The following RUNDC3B variants were observed in gnomAD, a reference collection of about 807,000 sequenced individuals.
RUNDC3B encodes RUN domain containing 3B, also known as RUN domain-containing protein 3B.
In RUNDC3B, 33 loss-of-function variants were observed where a neutral mutation model predicts 58.4. The ratio of observed to expected loss-of-function variants is 0.56; its 90% confidence interval spans 0.43 to 0.75. The LOEUF is 0.75. Ranked by LOEUF, RUNDC3B falls within the 30% of genes least tolerant of loss-of-function variation. The probability of loss-of-function intolerance (pLI) is 0.00; values close to 1 mark genes in which losing one functional copy is unlikely to be tolerated. For missense variants in RUNDC3B, 501 were observed against 535.7 expected, an observed-to-expected ratio of 0.94 and a Z score of 0.64; for synonymous variants, 193 against 195.2, an observed-to-expected ratio of 0.99 and a Z score of 0.10.
chr7:87,814,002 A>G (rs1177996305), intron 9 of RUNDC3B, among the ~76,000 whole-genome samples: 3 of 152,110 alleles, frequency 2.0e-5, no homozygotes, highest in African/African-American at 7.2e-5. Context: ...AAAGATTTTA[A>G]TGAAAATCAA....
chr7:87,634,481 TGGTGGTG>T (rs1419230018), intron 1 of RUNDC3B, among the ~76,000 whole-genome samples: 3 of 3,680 alleles, frequency 8.2e-4, no homozygotes, highest in African/African-American at 2.1e-3. Flanking sequence ...CAGTCAGGCG[TGGTGGTG>T]GGGGGTGGGG....
intron 3 of RUNDC3B, among the ~76,000 whole-genome samples, chr7:87,702,165 A>AAAAC (rs1829133675): frequency 6.7e-6 from 1 of 149,804 alleles, no homozygotes; most frequent in African/African-American, 2.5e-5. Context: ...AAAAAAAAAA[A>AAAAC]AAAAAAACAG....
intron 8 of RUNDC3B, among the ~76,000 whole-genome samples, chr7:87,799,961 T>C (rs1423859796): frequency 6.6e-6 from 1 of 152,008 alleles, no homozygotes; most frequent in Non-Finnish European, 1.5e-5. Flanking sequence ...CAATTTGCTA[T>C]ATTGCTGATG....
At chr7:87,631,971 GTAA>G (rs1482090865) in intron 1 of RUNDC3B, among the ~76,000 whole-genome samples, 2 of 152,092 alleles carry the variant, frequency 1.3e-5, no homozygotes, top group African/African-American at 4.8e-5. Flanking sequence ...TATGAGCAGG[GTAA>G]TAATGATAAG....
intron 6 of RUNDC3B, among the ~76,000 whole-genome samples, chr7:87,758,501 T>C (rs1402501208): frequency 6.6e-6 from 1 of 152,282 alleles, no homozygotes. Context: ...GAAAAGCTTC[T>C]GCACAGCAAA....
intron 1 of RUNDC3B, among the ~76,000 whole-genome samples, chr7:87,642,569 A>G (rs1430852697): frequency 6.6e-6 from 1 of 152,016 alleles, no homozygotes; most frequent in Non-Finnish European, 1.5e-5. Context: ...TCTTGGTTTG[A>G]TGGCTTACTA....
intron 8 of RUNDC3B, among the ~76,000 whole-genome samples, chr7:87,790,864 ATCT>A (rs1835488186): frequency 6.6e-6 from 1 of 152,156 alleles, no homozygotes; most frequent in Admixed American, 6.6e-5. Context: ...AAAAGAGCAA[ATCT>A]AAGTCATTCA....
chr7:87,757,599 C>G lies in RUNDC3B; in HGVS notation c.630-12982C>G, dbSNP rs535564693. Among the ~76,000 whole-genome samples the G allele has an allele frequency of 4.3e-4, 66 of 152,200 alleles. No individual in the cohort carries two copies. The South Asian group carries it at 5.2e-3, about 12-fold the overall frequency. On this transcript the variant is annotated intron_variant, in intron 6 of 10. Transcript: ENST00000394654. Reference sequence around the variant, plus strand: ...TCAGTGTCCCATCACACCAAGCAATCTATAGACCCAATGTATTTGCTGTCA... The same window carrying G: ...TCAGTGTCCCATCACACCAAGCAATGTATAGACCCAATGTATTTGCTGTCA...
Position 87,830,026 on chromosome 7 carries a change from C to A in RUNDC3B, c.1367C>A (p.Ser456Tyr). 1 of 1,562,724 alleles carries A rather than the reference C, an allele frequency of 6.4e-7. No individual in the cohort carries two copies. Among genetic ancestry groups the A allele is most frequent in the Admixed American group, 2.1e-5 (1 of 48,742 alleles). ...TEMTSPGLTP[S>Y] ...ATGACAAGTCCAGGCCTAACTCCAT[C>A]CTGAAAATTTTTGTGTAAAAGCCAA... The change falls in exon 11 of 11, where the codon TCC (serine) becomes TAC (tyrosine). Residue 456 changes from serine (S) to tyrosine (Y), a missense_variant. Physicochemically the swap from Ser to Tyr is moderately radical, Grantham distance 144. Coordinates refer to ENST00000394654, the MANE Select transcript of RUNDC3B (RefSeq NM_001134405.2).
At position 87,741,665 on chromosome 7, in the gene RUNDC3B, G is replaced by T; in HGVS notation, c.629+86G>T. 4 of 704,392 alleles carry T rather than the reference G, an allele frequency of 5.7e-6. No homozygotes were observed. The South Asian group carries it at 7.8e-5, about 14-fold the overall frequency. 43.6% of individuals were successfully genotyped at this position (704,392 alleles called of 1,614,324 possible). ...ATGTTTGTCTGATCAAAACTACTTT[G>T]TACTAAATATTCGTTCCAATATCAG... is the stretch of plus-strand genomic sequence containing the variant. On this transcript the variant is annotated intron_variant, in intron 6 of 10. Transcript: ENST00000394654.
At chr7:87,709,028 C>A (rs981356284) in intron 3 of RUNDC3B, among the ~76,000 whole-genome samples, 3 of 152,128 alleles carry the variant, frequency 2.0e-5, no homozygotes, top group African/African-American at 7.2e-5. Context: ...TTGGCCCAAA[C>A]AATCTTTATA....
intron 6 of RUNDC3B, among the ~76,000 whole-genome samples, chr7:87,770,188 T>C (rs552370194): frequency 2.0e-5 from 3 of 152,250 alleles, no homozygotes; most frequent in East Asian, 3.9e-4. Flanking sequence ...CTGCCTTGTA[T>C]TGAAGATTGA....
At chr7:87,724,152 G>A (rs1225674731) in intron 4 of RUNDC3B, among the ~76,000 whole-genome samples, 1 of 152,120 alleles carries the variant, frequency 6.6e-6, no homozygotes, top group Non-Finnish European at 1.5e-5. Flanking sequence ...GAGATTGGAA[G>A]GTCAAGGCTA....
intron 2 of RUNDC3B, 34 bp downstream of exon 2, chr7:87,650,971 C>G (rs747448173): frequency 8.1e-7 from 1 of 1,241,194 alleles, no homozygotes; most frequent in Non-Finnish European, 1.2e-6. Flanking sequence ...ATTTTCCCAC[C>G]AGCTGTCTTT....
At chr7:87,741,199 C>T (rs1381556324) in intron 5 of RUNDC3B, among the ~76,000 whole-genome samples, 2 of 150,210 alleles carry the variant, frequency 1.3e-5, no homozygotes, top group Admixed American at 6.6e-5. Context: ...AGCAAGACTC[C>T]CTCTCAAAAA....
Position 87,700,558 on chromosome 7 carries a change from A to G in RUNDC3B, c.372+4A>G, listed in dbSNP as rs1320716962. 4 of 1,607,248 alleles carry G rather than the reference A, an allele frequency of 2.5e-6. No homozygotes were observed. The Admixed American group carries it at 5.1e-5, about 20-fold the overall frequency. On this transcript the variant is annotated splice_donor_region_variant and intron_variant, in intron 3 of 10. Transcript: ENST00000394654. Reference sequence around the variant, plus strand: ...TGTCAGTTCTTCTAGAGCTAAGGTAAGACATTGGTCAGAGACTCGTTTCTA... The same window carrying G: ...TGTCAGTTCTTCTAGAGCTAAGGTAGGACATTGGTCAGAGACTCGTTTCTA...
chr7:87,778,894 T>C (rs911716157), intron 8 of RUNDC3B, among the ~76,000 whole-genome samples: 26 of 152,316 alleles, frequency 1.7e-4, no homozygotes, highest in South Asian at 4.1e-4. Flanking sequence ...ATTTGTTTAT[T>C]TTGAAATAAT....
chr7:87,705,780 A>G (rs1263748054), intron 3 of RUNDC3B, among the ~76,000 whole-genome samples: 1 of 152,176 alleles, frequency 6.6e-6, no homozygotes, highest in East Asian at 1.9e-4. Flanking sequence ...ATATGCTCTT[A>G]TAAACATATT....
intron 9 of RUNDC3B, among the ~76,000 whole-genome samples, chr7:87,809,959 T>C (rs1836623392): frequency 6.6e-6 from 1 of 152,166 alleles, no homozygotes; most frequent in East Asian, 1.9e-4. Flanking sequence ...CTGCAAATTA[T>C]GAAGGAGGTG....
Sources: allele counts gnomAD v4.1 joint callset (sites outside exome capture counted in the v4.1 genomes callset), GRCh38; gene constraint gnomAD v4.1.1; transcripts MANE v1.5; gene names NCBI Gene and HGNC (gene_info 2026-07-23, HGNC 2026-07-21).